The following ZNF79 variants were observed in gnomAD, a reference collection of about 807,000 sequenced individuals.
ZNF79 encodes zinc finger protein 79.
ZNF79 carries 13 observed loss-of-function variants against 14.9 expected under a neutral mutation model. The observed-to-expected ratio is 0.87, with a 90% CI of 0.57 to 1.38. The LOEUF (loss-of-function observed/expected upper bound fraction) is 1.38, where lower values mean the gene tolerates loss of function less well. Among genes scored for constraint, ZNF79 ranks in the 40% most tolerant of loss-of-function variants. The pLI is 0.00. For missense variants in ZNF79, 631 were observed against 630.6 expected, an observed-to-expected ratio of 1.00 and a Z score of -0.01; for synonymous variants, 223 against 235.1, an observed-to-expected ratio of 0.95 and a Z score of 0.47.
chr9:127,437,485 CAG>C (rs1833971769), intron 4 of ZNF79, among the ~76,000 whole-genome samples: 1 of 151,800 alleles, frequency 6.6e-6, no homozygotes, highest in South Asian at 2.1e-4. Context: ...ATCATAGTCT[CAG>C]AGGGGTTCAA....
chr9:127,424,593 G>A lies in ZNF79; in HGVS notation c.-195G>A. The A allele has an allele frequency of 6.3e-6, 4 of 639,352 alleles. No individual in the cohort carries two copies. The highest frequency in any genetic ancestry group is 1.0e-5 in the Non-Finnish European group (4 of 383,632). The allele number at this position is 639,352 out of a possible 1,614,324, so 39.6% of individuals were successfully genotyped here. ...ACTCGGGAGACGGAGTGGAACACCC[G>A]GCTGGGCAGGCCCGGACAGCTCCCG... On this transcript the variant is annotated 5_prime_UTR_variant, in exon 1 of 5. Transcript: ENST00000342483.
rs151218737 is a variant in ZNF79 at position 127,444,793 on chromosome 9, G to A, written c.1093G>A (p.Ala365Thr). The A allele has an allele frequency of 0.015, 23,685 of 1,613,568 alleles. 249 individuals are homozygous for A. The highest frequency in any genetic ancestry group is 0.018 in the Non-Finnish European group (21,530 of 1,179,852). ...HTGEKPYRCA[A>T]CGKAFSQSAN... is the part of the protein sequence containing the mutation. The stretch of plus-strand genomic sequence containing the variant: ...CGGGGAGAAGCCCTACAGATGTGCC[G>A]CGTGTGGGAAGGCCTTCAGCCAGAG... Residue 365 changes from alanine (A) to threonine (T), a missense_variant, in exon 5 of 5, where the codon GCG (alanine) becomes ACG (threonine). Coordinates refer to ENST00000342483, the MANE Select transcript of ZNF79 (RefSeq NM_007135.3).
At chr9:127,443,183 T>C (rs985265303) in intron 4 of ZNF79, among the ~76,000 whole-genome samples, 9 of 152,110 alleles carry the variant, frequency 5.9e-5, no homozygotes, top group Admixed American at 3.3e-4. Flanking sequence ...CTCACACCTA[T>C]AATCCCCAGC....
chr9:127,433,346 A>G (rs1246413408), intron 2 of ZNF79, among the ~76,000 whole-genome samples: 1 of 152,184 alleles, frequency 6.6e-6, no homozygotes, highest in Non-Finnish European at 1.5e-5. Context: ...TTGGCCAGCT[A>G]GGTGAACAGA....
At position 127,444,967 on chromosome 9, in the gene ZNF79, G is replaced by A; in HGVS notation, c.1267G>A (p.Gly423Arg). 6.2e-7 allele frequency: 1 copy of A among 1,614,086 alleles called. No homozygotes were observed. Among genetic ancestry groups the A allele is most frequent in the South Asian group, 1.1e-5 (1 of 91,078 alleles). Residue 423 changes from glycine to arginine, a missense_variant, in exon 5 of 5, where the codon GGG becomes AGG. Gly to Arg is a moderately radical substitution (Grantham distance 125). Transcript: ENST00000342483. The part of the protein sequence containing the change: ...GEKPYKCNEC[G>R]KFFSESSALI... ...GAAGCCATATAAATGTAATGAATGT[G>A]GGAAATTCTTCAGTGAGAGCTCAGC...
At chr9:127,435,870 CTT>C (rs1833937902) in intron 3 of ZNF79, 36 bp from the exon 4 acceptor site, 1 of 1,581,274 alleles carries the variant, frequency 6.3e-7, no homozygotes. Context: ...TTCATACTTA[CTT>C]ACAATTTCTA....
At position 127,445,105 on chromosome 9, in the gene ZNF79, G is replaced by A. The variant is rs1304939268; in HGVS notation, c.1405G>A (p.Gly469Ser). ...TAGTCAGCATCAGAGAATCCACACA[G>A]GCGTGAAACCCTACGAATGCAGCGA... is the stretch of plus-strand genomic sequence containing the variant. ...SLSQHQRIHTGVKPYECSECG... is the reference protein window; with the variant it reads ...SLSQHQRIHTSVKPYECSECG... Residue 469 changes from glycine to serine, a missense_variant, in exon 5 of 5, where the codon GGC becomes AGC. Transcript: ENST00000342483. The A allele has an allele frequency of 2.5e-6, 4 of 1,613,970 alleles. No homozygotes were observed. In the African/African-American group the frequency reaches 5.3e-5, roughly 22 times the overall value.
Position 127,445,333 on chromosome 9 carries a change from A to G in ZNF79, c.*136A>G. ...GAGTCTGCAGCCCAGAGCCACATGC[A>G]AAACACCTTCAATAAACAGCCACTA... On this transcript the variant is annotated 3_prime_UTR_variant, in exon 5 of 5. Coordinates refer to ENST00000342483, the MANE Select transcript of ZNF79 (RefSeq NM_007135.3). 1.2e-6 allele frequency: 1 copy of G among 844,184 alleles called. No homozygotes were observed. Among genetic ancestry groups the G allele is most frequent in the Non-Finnish European group, 1.8e-6 (1 of 550,746 alleles). 52.3% of individuals were successfully genotyped at this position (844,184 alleles called of 1,614,324 possible). A position where few individuals can be genotyped will look rare whatever the true frequency, so the allele number is the denominator to read the frequency against.
At position 127,424,678 on chromosome 9, in the gene ZNF79, C is replaced by A; in HGVS notation, c.-110C>A. 1 of 1,545,512 alleles carries A rather than the reference C, an allele frequency of 6.5e-7. No homozygotes were observed. The highest frequency in any genetic ancestry group is 8.8e-7 in the Non-Finnish European group (1 of 1,130,470). On this transcript the variant is annotated 5_prime_UTR_variant, in exon 1 of 5. Transcript: ENST00000342483. ...CGGGGAGAGGCTGGAGAGGAAGAGT[C>A]CGGCCTGGGAGCCGTCAGAGCAGCC...
At chr9:127,439,452 G>A (rs2131958502) in intron 4 of ZNF79, among the ~76,000 whole-genome samples, 1 of 152,232 alleles carries the variant, frequency 6.6e-6, no homozygotes, top group Admixed American at 6.5e-5. Flanking sequence ...AAGTCGTCAG[G>A]GGCAAGTTTC....
intron 1 of ZNF79, chr9:127,428,433 A>G (rs1162790820): frequency 6.5e-6 from 1 of 153,914 alleles, no homozygotes; most frequent in East Asian, 1.9e-4. Context: ...TAAGTAATAG[A>G]TAATCTCTTT....
intron 2 of ZNF79, among the ~76,000 whole-genome samples, chr9:127,433,151 G>C (rs1305377725): frequency 6.6e-6 from 1 of 152,166 alleles, no homozygotes; most frequent in Admixed American, 6.5e-5. Flanking sequence ...GTAATGAATG[G>C]ATTGGAAGAG....
At chr9:127,427,253 TAAAA>T (rs958176528) in intron 1 of ZNF79, among the ~76,000 whole-genome samples, 1 of 112,016 alleles carries the variant, frequency 8.9e-6, no homozygotes. Flanking sequence ...CCCCGTCTAC[TAAAA>T]AAAAAAAAAA....
chr9:127,440,084 G>A (rs541812454), intron 4 of ZNF79, among the ~76,000 whole-genome samples: 11 of 152,030 alleles, frequency 7.2e-5, no homozygotes, highest in African/African-American at 9.7e-5. Context: ...GGATGGTCTC[G>A]ATCTCCTGAC....
intron 2 of ZNF79, among the ~76,000 whole-genome samples, chr9:127,430,560 A>C (rs1485729013): frequency 2.0e-5 from 3 of 152,206 alleles, no homozygotes; most frequent in African/African-American, 7.2e-5. Context: ...ACTTAAGATA[A>C]TGGACTCCAG....
intron 2 of ZNF79, among the ~76,000 whole-genome samples, chr9:127,434,660 G>A (rs562984116): frequency 8.5e-5 from 13 of 152,116 alleles, no homozygotes; most frequent in Non-Finnish European, 1.2e-4. Context: ...TGCTTTCTCC[G>A]TTTTTTGAGA....
In ZNF79 at chr9:127,445,289, T is replaced by C. The variant is rs889115668; in HGVS notation, c.*92T>C. 8 of 1,372,920 alleles carry C rather than the reference T, an allele frequency of 5.8e-6. No homozygotes were observed. The highest frequency in any genetic ancestry group is 2.9e-5 in the African/African-American group (2 of 69,446). The allele number at this position is 1,372,920 out of a possible 1,614,324, so 85.0% of individuals were successfully genotyped here. ...GAGAAATGCTAAAGGCTTGAAAGCA[T>C]CTGAAGACATCTAACTTAGAGTCTG... On this transcript the variant is annotated 3_prime_UTR_variant, in exon 5 of 5. Coordinates refer to ENST00000342483, the MANE Select transcript of ZNF79 (RefSeq NM_007135.3).
chr9:127,440,186 G>T (rs1316665088), intron 4 of ZNF79, among the ~76,000 whole-genome samples: 1 of 152,196 alleles, frequency 6.6e-6, no homozygotes, highest in Non-Finnish European at 1.5e-5. Flanking sequence ...TTATGGTGAT[G>T]AGTTGTGTGA....
chr9:127,428,772 T>C (rs1833806226), intron 1 of ZNF79, 60 bp from the exon 2 acceptor site: 2 of 1,410,240 alleles, frequency 1.4e-6, no homozygotes, highest in Non-Finnish European at 1.9e-6. Flanking sequence ...CTCTTCACAG[T>C]GAGAACTGGT....
Sources: allele counts gnomAD v4.1 joint callset (sites outside exome capture counted in the v4.1 genomes callset), GRCh38; gene constraint gnomAD v4.1.1; transcripts MANE v1.5; gene names NCBI Gene and HGNC (gene_info 2026-07-23, HGNC 2026-07-21).